Variants in AFG2A observed in about 807,000 individuals in gnomAD.
AFG2A encodes the protein ATPase family gene 2 protein homolog A.
At chr4:123,115,180 C>T in the AFG2A span, among the ~76,000 whole-genome samples, 2 of 152,084 alleles carry the variant, frequency 1.3e-5, no homozygotes, top group Non-Finnish European at 2.9e-5. Context: ...CAAGTTCCCC[C>T]TGTGGACCCG....
At chr4:123,024,706 T>A in the AFG2A span, among the ~76,000 whole-genome samples, 2 of 152,232 alleles carry the variant, frequency 1.3e-5, no homozygotes, top group Non-Finnish European at 2.9e-5. Context: ...GAACATCATC[T>A]TCTAGTTCAG....
the AFG2A span, among the ~76,000 whole-genome samples, chr4:123,100,349 C>T: frequency 6.6e-6 from 1 of 151,700 alleles, no homozygotes; most frequent in Non-Finnish European, 1.5e-5. Flanking sequence ...GTTTTTAATC[C>T]TTCTTCTATA....
At chr4:123,154,457 C>G in the AFG2A span, among the ~76,000 whole-genome samples, 1 of 152,136 alleles carries the variant, frequency 6.6e-6, no homozygotes, top group Non-Finnish European at 1.5e-5. Flanking sequence ...GCTCCCAAGA[C>G]AATTGACTGC....
the AFG2A span, among the ~76,000 whole-genome samples, chr4:122,986,003 T>A: frequency 3.9e-5 from 6 of 152,140 alleles, no homozygotes; most frequent in Non-Finnish European, 4.4e-5. Context: ...AAGAATTTTT[T>A]AATTTTCATC....
At chr4:123,107,211 T>C in the AFG2A span, among the ~76,000 whole-genome samples, 3 of 152,052 alleles carry the variant, frequency 2.0e-5, no homozygotes, top group Non-Finnish European at 4.4e-5. Flanking sequence ...CAAGTCAGGG[T>C]TGGGGGTGTT....
chr4:123,300,207 A>G, the AFG2A span, among the ~76,000 whole-genome samples: 1 of 152,170 alleles, frequency 6.6e-6, no homozygotes, highest in Non-Finnish European at 1.5e-5. Context: ...ATAGACAATG[A>G]TCAGAAGAGG....
At chr4:123,081,798 C>G in the AFG2A span, among the ~76,000 whole-genome samples, 1 of 152,206 alleles carries the variant, frequency 6.6e-6, no homozygotes, top group Non-Finnish European at 1.5e-5. Context: ...ACAGCTTCAT[C>G]AGCCTTTGGT....
At chr4:123,058,970 A>G in the AFG2A span, among the ~76,000 whole-genome samples, 1 of 152,142 alleles carries the variant, frequency 6.6e-6, no homozygotes, top group East Asian at 1.9e-4. Context: ...CTATGAGCCT[A>G]TAAAATCAAA....
the AFG2A span, among the ~76,000 whole-genome samples, chr4:122,929,437 T>C: frequency 6.6e-6 from 1 of 152,222 alleles, no homozygotes; most frequent in Non-Finnish European, 1.5e-5. Flanking sequence ...CTTATGCCTG[T>C]AATCTCAGCA....
At chr4:122,983,017 G>A in the AFG2A span, among the ~76,000 whole-genome samples, 5 of 151,644 alleles carry the variant, frequency 3.3e-5, no homozygotes, top group African/African-American at 9.7e-5. Flanking sequence ...ACAGGCACCC[G>A]CCACAACGCC....
At chr4:123,122,890 T>C in the AFG2A span, among the ~76,000 whole-genome samples, 1 of 152,150 alleles carries the variant, frequency 6.6e-6, no homozygotes, top group Admixed American at 6.5e-5. Flanking sequence ...AAATGTGCTT[T>C]GTATTTTAGA....
the AFG2A span, among the ~76,000 whole-genome samples, chr4:123,044,869 T>TTA: frequency 6.6e-6 from 1 of 152,044 alleles, no homozygotes; most frequent in African/African-American, 2.4e-5. Context: ...TAAGCTTATT[T>TTA]AGTGCACTTT....
chr4:123,274,566 C>T, the AFG2A span, among the ~76,000 whole-genome samples: 2 of 149,822 alleles, frequency 1.3e-5, no homozygotes, highest in Admixed American at 6.6e-5. Flanking sequence ...GGGCAAGGTT[C>T]GGATTAATTA....
chr4:123,117,165 A>G, the AFG2A span, among the ~76,000 whole-genome samples: 3 of 152,138 alleles, frequency 2.0e-5, no homozygotes, highest in Non-Finnish European at 2.9e-5. Context: ...CTAAACTGTT[A>G]TCAGATGTTA....
the AFG2A span, among the ~76,000 whole-genome samples, chr4:123,206,957 T>G: frequency 2.1e-5 from 3 of 144,850 alleles, no homozygotes; most frequent in East Asian, 6.1e-4. Context: ...AAAATTGGGC[T>G]TTCTTATTTT....
the AFG2A span, among the ~76,000 whole-genome samples, chr4:123,046,656 C>T: frequency 1.3e-5 from 2 of 152,130 alleles, no homozygotes; most frequent in Admixed American, 1.3e-4. Flanking sequence ...TTACAATTCT[C>T]CTCTTTTAGT....
the AFG2A span, among the ~76,000 whole-genome samples, chr4:123,175,324 A>G: frequency 1.3e-4 from 20 of 152,322 alleles, no homozygotes; most frequent in Non-Finnish European, 2.5e-4. Flanking sequence ...ACCAATATAT[A>G]CAAAAGCAAA....
At chr4:123,028,928 A>G in the AFG2A span, among the ~76,000 whole-genome samples, 126 of 152,314 alleles carry the variant, frequency 8.3e-4, 1 homozygote, top group Non-Finnish European at 5.6e-4. Context: ...ATCTTTCATG[A>G]TATGTAGTTG....
chr4:123,234,542 C>A, the AFG2A span, among the ~76,000 whole-genome samples: 9 of 152,176 alleles, frequency 5.9e-5, no homozygotes, highest in South Asian at 1.9e-3. Context: ...ATCAATATTA[C>A]CTCCATGGGC....
Sources: allele counts gnomAD v4.1 joint callset (sites outside exome capture counted in the v4.1 genomes callset), GRCh38; gene constraint gnomAD v4.1.1; transcripts MANE v1.5; gene names NCBI Gene and HGNC (gene_info 2026-07-23, HGNC 2026-07-21).